The following CHODL variants were observed in gnomAD, a reference collection of about 807,000 sequenced individuals.
CHODL encodes the protein chondrolectin, also known as transmembrane protein MT75.
In CHODL, 29 loss-of-function variants were observed where a neutral mutation model predicts 34.5. The ratio of observed to expected loss-of-function variants is 0.84; its 90% CI spans 0.63 to 1.15. CHODL has a LOEUF of 1.15. CHODL is among the 50% of genes most tolerant of loss of function. The pLI is 0.00. For synonymous variants in CHODL, 125 were observed against 116.1 expected (o/e 1.08, Z -0.49); for missense variants, 332 against 332.5 (o/e 1.00, Z 0.01).
chr21:17,958,546 A>G, intron 1 of CHODL, among the ~76,000 whole-genome samples: 1 of 152,206 alleles, frequency 6.6e-6, no homozygotes, highest in East Asian at 1.9e-4. Context: ...TAGAAGTATC[A>G]GAAGAAATTC....
chr21:18,102,320 T>G (rs2146546532), intron 2 of CHODL, among the ~76,000 whole-genome samples: 1 of 152,324 alleles, frequency 6.6e-6, no homozygotes. Context: ...ACTTTCCAGA[T>G]CTGCTGTTCC....
intron 2 of CHODL, among the ~76,000 whole-genome samples, chr21:18,230,542 G>T (rs2073969241): frequency 6.6e-6 from 1 of 152,110 alleles, no homozygotes; most frequent in African/African-American, 2.4e-5. Flanking sequence ...TGTTATTTGA[G>T]ATGCTTGTTG....
At chr21:18,055,546 T>A (rs1291657341) in intron 2 of CHODL, among the ~76,000 whole-genome samples, 1 of 152,056 alleles carries the variant, frequency 6.6e-6, no homozygotes, top group Admixed American at 6.6e-5. Context: ...CAGCAACCTC[T>A]CTTTGGAAAG....
At chr21:18,022,701 A>G (rs1374405969) in intron 1 of CHODL, among the ~76,000 whole-genome samples, 1 of 152,168 alleles carries the variant, frequency 6.6e-6, no homozygotes, top group Non-Finnish European at 1.5e-5. Context: ...CTTCATGCCC[A>G]TTATTTCACT....
At chr21:18,093,844 G>A (rs1424053082) in intron 2 of CHODL, among the ~76,000 whole-genome samples, 1 of 151,986 alleles carries the variant, frequency 6.6e-6, no homozygotes, top group African/African-American at 2.4e-5. Context: ...GAAACAACCT[G>A]AAAACACATA....
chr21:18,053,527 A>T (rs776765668), intron 2 of CHODL, among the ~76,000 whole-genome samples: 28 of 151,936 alleles, frequency 1.8e-4, no homozygotes, highest in Non-Finnish European at 3.4e-4. Flanking sequence ...AATGACATTA[A>T]TATTTTAGAA....
At chr21:18,071,148 T>G (rs1003179134) in intron 2 of CHODL, among the ~76,000 whole-genome samples, 1 of 129,684 alleles carries the variant, frequency 7.7e-6, no homozygotes, top group African/African-American at 3.5e-5. Flanking sequence ...ACTACAGCAT[T>G]TTTTTTTTTT....
intron 2 of CHODL, among the ~76,000 whole-genome samples, chr21:18,068,876 T>C (rs962599381): frequency 5.3e-5 from 8 of 152,246 alleles, no homozygotes; most frequent in African/African-American, 1.9e-4. Context: ...GTTAATCTGC[T>C]ACAGTTTCTT....
chr21:18,209,997 G>A (rs2073756024), intron 2 of CHODL, among the ~76,000 whole-genome samples: 1 of 152,102 alleles, frequency 6.6e-6, no homozygotes, highest in African/African-American at 2.4e-5. Flanking sequence ...CTTGGGTTGG[G>A]GTATAAGTGG....
intron 2 of CHODL, among the ~76,000 whole-genome samples, chr21:18,092,430 T>C (rs2065085290): frequency 1.3e-5 from 2 of 152,188 alleles, no homozygotes; most frequent in African/African-American, 2.4e-5. Context: ...CAATGAAGAA[T>C]ATATACAAGT....
At chr21:18,010,492 T>C (rs1352608188) in intron 1 of CHODL, among the ~76,000 whole-genome samples, 1 of 152,146 alleles carries the variant, frequency 6.6e-6, no homozygotes, top group Non-Finnish European at 1.5e-5. Flanking sequence ...GTCCCATGTT[T>C]AAACACTTCA....
chr21:18,215,981 T>G, intron 2 of CHODL, among the ~76,000 whole-genome samples: 1 of 152,196 alleles, frequency 6.6e-6, no homozygotes, highest in African/African-American at 2.4e-5. Context: ...TGGAGTCAAA[T>G]AATTTTTTTC....
intron 2 of CHODL, among the ~76,000 whole-genome samples, chr21:18,076,907 G>A (rs966029567): frequency 3.9e-5 from 6 of 152,214 alleles, no homozygotes; most frequent in African/African-American, 1.2e-4. Context: ...GAGGAACAGA[G>A]CTGCCACACA....
At chr21:18,218,455 G>T (rs1280049807) in intron 2 of CHODL, among the ~76,000 whole-genome samples, 1 of 152,096 alleles carries the variant, frequency 6.6e-6, no homozygotes, top group African/African-American at 2.4e-5. Flanking sequence ...CACACAGTAG[G>T]GGGGATTTGG....
intron 1 of CHODL, among the ~76,000 whole-genome samples, chr21:18,247,743 G>A (rs566109935): frequency 8.3e-4 from 126 of 152,134 alleles, no homozygotes; most frequent in African/African-American, 3.0e-3. Context: ...TGCTAATTTG[G>A]AAACTACCTT....
intron 1 of CHODL, among the ~76,000 whole-genome samples, chr21:18,023,976 A>G (rs1299346728): frequency 1.3e-5 from 2 of 152,198 alleles, no homozygotes; most frequent in African/African-American, 2.4e-5. Flanking sequence ...CAGTCCCCCT[A>G]TGAGAATAAC....
intron 2 of CHODL, among the ~76,000 whole-genome samples, chr21:18,061,239 G>A (rs939995903): frequency 6.6e-6 from 1 of 152,156 alleles, no homozygotes; most frequent in African/African-American, 2.4e-5. Context: ...TGTATTTGTG[G>A]AAATCCATGG....
At chr21:18,188,803 G>T (rs2073476182) in intron 2 of CHODL, among the ~76,000 whole-genome samples, 1 of 152,210 alleles carries the variant, frequency 6.6e-6, no homozygotes, top group South Asian at 2.1e-4. Flanking sequence ...TAGGAATGGG[G>T]CATTGCAAGG....
intron 1 of CHODL, among the ~76,000 whole-genome samples, chr21:17,963,697 A>T (rs2063550317): frequency 6.6e-6 from 1 of 152,144 alleles, no homozygotes; most frequent in Non-Finnish European, 1.5e-5. Context: ...AAACCATATC[A>T]ATTATCATTT....
Sources: allele counts gnomAD v4.1 joint callset (sites outside exome capture counted in the v4.1 genomes callset), GRCh38; gene constraint gnomAD v4.1.1; transcripts MANE v1.5; gene names NCBI Gene and HGNC (gene_info 2026-07-23, HGNC 2026-07-21).